Variants in AARSD1 observed in about 807,000 individuals in gnomAD.
AARSD1 encodes the protein alanyl-tRNA synthetase domain containing 1.
A neutral mutation model predicts 48.7 loss-of-function variants in AARSD1; 44 were observed. The observed-to-expected ratio is 0.90, with a 90% CI of 0.71 to 1.16. The LOEUF (loss-of-function observed/expected upper bound fraction) is 1.16, where lower values mean the gene tolerates loss of function less well. Ranked by LOEUF, AARSD1 falls within the 50% of genes most tolerant of loss-of-function variation. The pLI is 0.00. For missense variants in AARSD1, 511 were observed against 523.1 expected, an observed-to-expected ratio of 0.98 and a Z score of 0.23; for synonymous variants, 189 against 194.9, an observed-to-expected ratio of 0.97 and a Z score of 0.25.
At chr17:42,954,655 G>A (rs1224369627) in intron 9 of AARSD1, among the ~76,000 whole-genome samples, 1 of 151,986 alleles carries the variant, frequency 6.6e-6, no homozygotes, top group South Asian at 2.1e-4. Flanking sequence ...GGCTGGTTTC[G>A]AACTCCTGAC....
Position 42,961,300 on chromosome 17 carries a change from G to A in AARSD1, c.223C>T (p.Arg75Cys), listed in dbSNP as rs763991182. The A allele has an allele frequency of 6.8e-6, 11 of 1,614,062 alleles. No individual in the cohort carries two copies. The highest frequency in any genetic ancestry group is 5.5e-5 in the South Asian group (5 of 91,066). ...GTGAAATGATCAGCCTGTTCCCCAC[G>A]GCGAGTCACTCTCAGCACAGAGATG... ...NDISVLRVTR[R>C]GEQADHFTQT... Residue 75 changes from arginine to cysteine, a missense_variant, in exon 3 of 12, where the codon CGT (arginine) becomes TGT (cysteine). Arg to Cys is a radical substitution (Grantham distance 180). Coordinates refer to ENST00000427569, the MANE Select transcript of AARSD1 (RefSeq NM_001261434.2).
intron 3 of AARSD1, among the ~76,000 whole-genome samples, chr17:42,959,058 G>A (rs1208984976): frequency 6.8e-6 from 1 of 148,020 alleles, no homozygotes; most frequent in African/African-American, 2.5e-5. Flanking sequence ...TTAGCCGGAT[G>A]TGGTGGTGCG....
chr17:42,959,504 A>G (rs947665706), intron 3 of AARSD1, among the ~76,000 whole-genome samples: 5 of 151,874 alleles, frequency 3.3e-5, no homozygotes, highest in African/African-American at 1.2e-4. Flanking sequence ...CTGGGATTAC[A>G]GGCGTGAGCC....
At chr17:42,964,340 C>A in intron 1 of AARSD1, 62 bp downstream of exon 1, 4 of 1,585,272 alleles carry the variant, frequency 2.5e-6, no homozygotes, top group Non-Finnish European at 3.4e-6. Context: ...ACACGTGGCG[C>A]CCTCTTCCCC....
At chr17:42,961,023 T>G (rs2049629250) in intron 3 of AARSD1, 169 bp downstream of exon 3, 1 of 1,135,844 alleles carries the variant, frequency 8.8e-7, no homozygotes, top group African/African-American at 1.6e-5. Context: ...CAGTTGTTCA[T>G]GTTGCTGTTA....
chr17:42,956,993 C>T, intron 4 of AARSD1, 145 bp downstream of exon 4: 1 of 640,136 alleles, frequency 1.6e-6, no homozygotes, highest in South Asian at 3.0e-5. Flanking sequence ...TTAAGACAAG[C>T]TCGCTGTCAC....
At chr17:42,964,069 A>G (rs1481195001) in intron 2 of AARSD1, 37 bp downstream of exon 2, 1 of 1,613,288 alleles carries the variant, frequency 6.2e-7, no homozygotes, top group Admixed American at 1.7e-5. Flanking sequence ...GAGCACAAAG[A>G]AACTGGGGGC....
rs954545876 is a variant in AARSD1 at position 42,964,019 on chromosome 17, T to C, written c.171+87A>G. 87 of 1,585,240 alleles carry C rather than the reference T, an allele frequency of 5.5e-5. No individual in the cohort carries two copies. In the African/African-American group the frequency reaches 5.9e-4, roughly 11 times the overall value. On this transcript the variant is annotated intron_variant, in intron 2 of 11. Coordinates refer to ENST00000427569, the MANE Select transcript of AARSD1 (RefSeq NM_001261434.2). ...TTAAACTAAAGCTCATCTGAATTCA[T>C]TATGGCTGAGAAAAAAGGGGCAGGA...
chr17:42,961,489 G>C, intron 2 of AARSD1, 138 bp from the exon 3 acceptor site: 1 of 1,219,862 alleles, frequency 8.2e-7, no homozygotes, highest in Non-Finnish European at 1.1e-6. Context: ...AGTGAAATGA[G>C]TCCACTTTGT....
rs936170536 is a variant in AARSD1 at position 42,950,639 on chromosome 17, T to A, written c.1193A>T (p.Gln398Leu). Residue 398 changes from glutamine (Q) to leucine (L), a missense_variant, in exon 12 of 12, where the codon CAG (glutamine) becomes CTG (leucine). Physicochemically the swap from Gln to Leu is moderately radical, Grantham distance 113. Coordinates refer to ENST00000427569, the MANE Select transcript of AARSD1 (RefSeq NM_001261434.2). ...GCTGATGTAGTCCTGGAGAAGCGCC[T>A]GCGCCTCCATCCGCCGGCTCATCTT... ...ATKMSRRMEA[Q>L]ALLQDYISTQ... 4 of 1,613,882 alleles carry A rather than the reference T, an allele frequency of 2.5e-6. No homozygotes were observed. In the African/African-American group the frequency reaches 5.3e-5, roughly 22 times the overall value.
intron 10 of AARSD1, among the ~76,000 whole-genome samples, chr17:42,953,509 T>C (rs969079235): frequency 2.6e-5 from 4 of 152,116 alleles, no homozygotes; most frequent in Admixed American, 6.5e-5. Context: ...CTAATAAACA[T>C]CACAGCCCCA....
intron 4 of AARSD1, 143 bp downstream of exon 4, chr17:42,956,995 C>T (rs1168019276): frequency 1.4e-5 from 10 of 726,224 alleles, no homozygotes; most frequent in African/African-American, 5.9e-5. Context: ...AAGACAAGCT[C>T]GCTGTCACCC....
chr17:42,952,379 T>C (rs777781110), intron 10 of AARSD1, among the ~76,000 whole-genome samples: 2 of 152,020 alleles, frequency 1.3e-5, no homozygotes, highest in Non-Finnish European at 2.9e-5. Context: ...AATGTCGACA[T>C]ACATATTTGT....
At chr17:42,954,573 T>C (rs1419088591) in intron 9 of AARSD1, among the ~76,000 whole-genome samples, 1 of 152,004 alleles carries the variant, frequency 6.6e-6, no homozygotes, top group Non-Finnish European at 1.5e-5. Flanking sequence ...TAGCTGGGAC[T>C]ACAGGCGCGT....
intron 4 of AARSD1, among the ~76,000 whole-genome samples, chr17:42,956,816 C>T (rs1424078009): frequency 1.3e-5 from 2 of 148,326 alleles, no homozygotes; most frequent in African/African-American, 2.5e-5. Context: ...TACAGGCGCC[C>T]GCCACCACGC....
intron 9 of AARSD1, among the ~76,000 whole-genome samples, chr17:42,954,298 C>A (rs2049517519): frequency 6.6e-6 from 1 of 152,056 alleles, no homozygotes; most frequent in Non-Finnish European, 1.5e-5. Flanking sequence ...ACAGGTTACA[C>A]TGAGCCGAGA....
chr17:42,961,479 A>G, intron 2 of AARSD1, 128 bp from the exon 3 acceptor site: 1 of 1,299,410 alleles, frequency 7.7e-7, no homozygotes, highest in Non-Finnish European at 1.0e-6. Flanking sequence ...AGCAATGCCA[A>G]GTGAAATGAG....
rs372026477 is a variant in AARSD1, at chr17:42,964,054, G to A, written c.171+52C>T. 5 of 1,610,286 alleles carry A rather than the reference G, an allele frequency of 3.1e-6. No homozygotes were observed. The Admixed American group carries it at 8.4e-5, about 27-fold the overall frequency. On this transcript the variant is annotated intron_variant, in intron 2 of 11. Transcript: ENST00000427569. ...GAAAAAAGGGGCAGGAGAGCATTTC[G>A]GCCTGAGCACAAAGAAACTGGGGGC...
chr17:42,954,765 G>T, intron 9 of AARSD1, 111 bp downstream of exon 9: 1 of 1,220,306 alleles, frequency 8.2e-7, no homozygotes, highest in Non-Finnish European at 1.2e-6. Context: ...ACTCAACCTT[G>T]AGAATACCAG....
Sources: gnomAD v4.1 joint callset for allele counts (sites outside exome capture counted in the v4.1 genomes callset) on GRCh38, gnomAD v4.1.1 for gene constraint, MANE v1.5 for transcripts, NCBI Gene and HGNC (gene_info 2026-07-23, HGNC 2026-07-21) for gene names.